PPP2R2C: variants seen among roughly 807,000 people sequenced by gnomAD.
PPP2R2C encodes protein phosphatase 2 regulatory subunit Bgamma, also known as protein phosphatase 2, regulatory subunit B, gamma.
In PPP2R2C, 10 loss-of-function variants were observed where a neutral mutation model predicts 45.3. That is an observed-to-expected ratio of 0.22 (90% CI 0.14 to 0.37). The LOEUF (loss-of-function observed/expected upper bound fraction) is 0.37, where lower values mean the gene tolerates loss of function less well. Among genes scored for constraint, PPP2R2C ranks in the 10% least tolerant of loss-of-function variants. The probability of loss-of-function intolerance (pLI) is 1.00; values close to 1 mark genes in which losing one functional copy is unlikely to be tolerated. For missense variants in PPP2R2C, 308 were observed against 619.7 expected, an observed-to-expected ratio of 0.50 and a Z score of 5.34; for synonymous variants, 257 against 245.4, an observed-to-expected ratio of 1.05 and a Z score of -0.44.
intron 2 of PPP2R2C, among the ~76,000 whole-genome samples, chr4:6,515,395 A>C (rs1015294000): frequency 6.6e-6 from 1 of 152,252 alleles, no homozygotes; most frequent in African/African-American, 2.4e-5. Context: ...GCTGGGAGGC[A>C]GCATTGCAGG....
chr4:6,351,754 G>C (rs1712581954), intron 5 of PPP2R2C, among the ~76,000 whole-genome samples: 1 of 152,154 alleles, frequency 6.6e-6, no homozygotes, highest in African/African-American at 2.4e-5. Flanking sequence ...GCAGTCCCGA[G>C]CCTCTGAATC....
At chr4:6,506,365 C>T (rs1028485194) in intron 2 of PPP2R2C, among the ~76,000 whole-genome samples, 12 of 152,318 alleles carry the variant, frequency 7.9e-5, no homozygotes, top group African/African-American at 2.9e-4. Context: ...TGTAAGTTTA[C>T]GTGGGTCTCT....
intron 6 of PPP2R2C, among the ~76,000 whole-genome samples, chr4:6,334,714 C>A (rs1399968183): frequency 6.6e-6 from 1 of 152,168 alleles, no homozygotes; most frequent in Non-Finnish European, 1.5e-5. Flanking sequence ...CATTCACCAG[C>A]CAATCTGGAA....
chr4:6,552,138 CA>C (rs1418566292), intron 1 of PPP2R2C, among the ~76,000 whole-genome samples: 2 of 152,226 alleles, frequency 1.3e-5, no homozygotes, highest in African/African-American at 4.8e-5. Context: ...TTCCCAAATG[CA>C]GTAATCATTT....
rs117088940 is a variant in PPP2R2C, at chr4:6,340,309, T to C, written c.791-6578A>G. 2.8e-3 allele frequency among the ~76,000 whole-genome samples: 427 copies of C among 152,090 alleles called. 1 individual carries two copies. The highest frequency in any genetic ancestry group is 0.022 in the East Asian group (113 of 5,148). On this transcript the variant is annotated intron_variant, in intron 6 of 8. Coordinates refer to ENST00000382599, the MANE Select transcript of PPP2R2C (RefSeq NM_020416.4). ...GTTCCTCTCAGACACTACTGTGGGG[T>C]GGGGCACCCCCGCCCCCATTCCCAG... is the stretch of plus-strand genomic sequence containing the variant.
chr4:6,326,741 TGA>T (rs1267715478), intron 8 of PPP2R2C, among the ~76,000 whole-genome samples: 1 of 152,214 alleles, frequency 6.6e-6, no homozygotes, highest in Non-Finnish European at 1.5e-5. Flanking sequence ...GACCAGAGAC[TGA>T]GAGAGTCCAG....
chr4:6,499,382 C>G (rs1013395896), intron 2 of PPP2R2C, among the ~76,000 whole-genome samples: 3 of 152,202 alleles, frequency 2.0e-5, no homozygotes, highest in Non-Finnish European at 1.5e-5. Flanking sequence ...TCCTTCTCTC[C>G]CTTCGGCTGC....
At chr4:6,346,683 A>C (rs1400965650) in intron 6 of PPP2R2C, among the ~76,000 whole-genome samples, 1 of 152,156 alleles carries the variant, frequency 6.6e-6, no homozygotes, top group African/African-American at 2.4e-5. Context: ...GAACTTGGCC[A>C]AGGAAGGAGG....
At chr4:6,512,530 ATGGTGATGG>A (rs1430541118) in intron 2 of PPP2R2C, among the ~76,000 whole-genome samples, 17,565 of 50,028 alleles carry the variant, frequency 0.35, 2,642 homozygotes, top group East Asian at 0.66. Flanking sequence ...GGTGGTGGTG[ATGGTGATGG>A]TGGTGATGGT....
intron 1 of PPP2R2C, among the ~76,000 whole-genome samples, chr4:6,550,172 G>A (rs545122421): frequency 2.4e-4 from 36 of 151,992 alleles, no homozygotes; most frequent in Admixed American, 5.9e-4. Flanking sequence ...GAGCCTCCCC[G>A]TCCCCCACTG....
Position 6,441,098 on chromosome 4 carries a change from T to G in PPP2R2C, c.70+31062A>C, listed in dbSNP as rs1720127537. Among the ~76,000 whole-genome samples, 3 of 152,202 alleles carry G rather than the reference T, an allele frequency of 2.0e-5. No homozygotes were observed. In the South Asian group the frequency reaches 6.2e-4, roughly 32 times the overall value. ...CTGACTCTGGCAGAGGACATGAGTT[T>G]CCAGTAACCTCCAGCTCTGCAGGTG... On this transcript the variant is annotated intron_variant, in intron 1 of 8. Transcript: ENST00000382599.
At chr4:6,432,044 C>T (rs565531007) in intron 1 of PPP2R2C, among the ~76,000 whole-genome samples, 1 of 152,276 alleles carries the variant, frequency 6.6e-6, no homozygotes, top group African/African-American at 2.4e-5. Flanking sequence ...TGACCACCTC[C>T]CAAAGGCCCC....
chr4:6,321,001 T>C lies in PPP2R2C; in HGVS notation c.*2301A>G, dbSNP rs1010542517. 1.3e-5 allele frequency: 2 copies of C among 152,218 alleles called. No homozygotes were observed. The highest frequency in any genetic ancestry group is 2.9e-5 in the Non-Finnish European group (2 of 68,040). 9.4% of individuals were successfully genotyped at this position (152,218 alleles called of 1,614,324 possible). ...ACACATTTGATCTTCACAATTTGCTTTGGACATCATTATTTTCCAGGGATC... is the reference window on the plus strand; with the variant it reads ...ACACATTTGATCTTCACAATTTGCTCTGGACATCATTATTTTCCAGGGATC... On this transcript the variant is annotated 3_prime_UTR_variant, in exon 9 of 9. Transcript: ENST00000382599.
At chr4:6,465,347 G>A (rs1022668249) in intron 1 of PPP2R2C, among the ~76,000 whole-genome samples, 1 of 152,070 alleles carries the variant, frequency 6.6e-6, no homozygotes. Context: ...AGAGGAGCAC[G>A]GACATTTAAT....
intron 1 of PPP2R2C, chr4:6,382,623 TCTCTCTCTCTCTCTCTCTC>T (rs2109316556): frequency 3.0e-5 from 2 of 67,348 alleles, no homozygotes; most frequent in Admixed American, 2.5e-4. Context: ...AGTTTCTCGT[TCTCTCTCTCTCTCTCTCTC>T]TCTCTCTCTC....
chr4:6,449,639 G>A (rs113241565), intron 1 of PPP2R2C, among the ~76,000 whole-genome samples: 3 of 152,342 alleles, frequency 2.0e-5, no homozygotes, highest in Admixed American at 1.3e-4. Context: ...ATATTCAGCA[G>A]GAAAACAAAT....
Position 6,323,527 on chromosome 4 carries a change from C to A in PPP2R2C, c.1119G>T (p.Val373=), listed in dbSNP as rs1731694087. Residue 373 remains valine (V), a synonymous_variant, in exon 9 of 9, where the codon GTG becomes GTT. Coordinates refer to ENST00000382599, the MANE Select transcript of PPP2R2C (RefSeq NM_020416.4). ...TGCTTTCCCTCGAGGCCTCCAGGGT[C>A]ACGTCCCGCTTGGTGTTCCGATCGA... ...RMFDRNTKRD[V]TLEASRESSK... 1.9e-6 allele frequency: 3 copies of A among 1,599,296 alleles called. No individual in the cohort carries two copies. The East Asian group carries it at 6.8e-5, about 36-fold the overall frequency.
intron 1 of PPP2R2C, among the ~76,000 whole-genome samples, chr4:6,395,090 T>G (rs1051491995): frequency 6.6e-6 from 1 of 152,118 alleles, no homozygotes; most frequent in African/African-American, 2.4e-5. Context: ...GTCTTCATCT[T>G]GACCCCATCC....
intron 1 of PPP2R2C, among the ~76,000 whole-genome samples, chr4:6,451,060 G>A (rs529311455): frequency 2.4e-4 from 36 of 152,216 alleles, no homozygotes; most frequent in Non-Finnish European, 1.2e-4. Context: ...CCTCCTGGAC[G>A]TGCCACCACC....
Sources: allele counts gnomAD v4.1 joint callset (sites outside exome capture counted in the v4.1 genomes callset), GRCh38; gene constraint gnomAD v4.1.1; transcripts MANE v1.5; gene names NCBI Gene and HGNC (gene_info 2026-07-23, HGNC 2026-07-21).